Variants in MRTFA observed in about 807,000 individuals in gnomAD.
The protein encoded by MRTFA is myocardin related transcription factor A, also known as myocardin-related transcription factor A.
Under a neutral mutation model 83.5 loss-of-function variants are expected in MRTFA, and 20 were observed. The observed-to-expected ratio is 0.24, with a 90% CI of 0.17 to 0.35. The LOEUF is 0.35. MRTFA is among the 10% of genes least tolerant of loss of function. The probability of loss-of-function intolerance (pLI) is 1.00; values close to 1 mark genes in which losing one functional copy is unlikely to be tolerated. For missense variants in MRTFA, 1,200 were observed against 1,224.7 expected, an observed-to-expected ratio of 0.98 and a Z score of 0.30; for synonymous variants, 659 against 541.2, an observed-to-expected ratio of 1.22 and a Z score of -3.02.
chr22:40,499,939 T>TTTTTTTA (rs2054428701), intron 3 of MRTFA, among the ~76,000 whole-genome samples: 2 of 141,328 alleles, frequency 1.4e-5, no homozygotes, highest in African/African-American at 5.2e-5. Context: ...TTTTTTTTTT[T>TTTTTTTA]GAGACCGAGT....
chr22:40,512,966 A>T (rs1398487956), intron 3 of MRTFA, among the ~76,000 whole-genome samples: 1 of 152,216 alleles, frequency 6.6e-6, no homozygotes, highest in East Asian at 1.9e-4. Flanking sequence ...TTATGTAACT[A>T]TTTTGCTATG....
At chr22:40,497,554 A>C (rs1161294149) in intron 3 of MRTFA, among the ~76,000 whole-genome samples, 1 of 151,984 alleles carries the variant, frequency 6.6e-6, no homozygotes, top group African/African-American at 2.4e-5. Context: ...GGAGTTCGAG[A>C]CCAGCCTGAC....
In MRTFA at chr22:40,631,510, C is replaced by A. The variant is rs548475054; in HGVS notation, c.-84+4968G>T. 4.6e-5 allele frequency among the ~76,000 whole-genome samples: 7 copies of A among 152,154 alleles called. No individual in the cohort carries two copies. The East Asian group carries it at 9.7e-4, about 21-fold the overall frequency. On this transcript the variant is annotated intron_variant, in intron 1 of 14. Coordinates refer to ENST00000355630, the MANE Select transcript of MRTFA (RefSeq NM_020831.6). ...CACAGTCCAAGTTCATACACACGGC[C>A]GGCAAGTAGAGCCAGGATTCCGATC...
intron 2 of MRTFA, chr22:40,587,457 C>T (rs1414611872): frequency 5.9e-6 from 2 of 337,062 alleles, no homozygotes; most frequent in Non-Finnish European, 1.2e-5. Flanking sequence ...TGCTGAGAGG[C>T]ATAGCCCTTT....
At chr22:40,482,380 C>T (rs767259778) in intron 3 of MRTFA, among the ~76,000 whole-genome samples, 2 of 152,250 alleles carry the variant, frequency 1.3e-5, no homozygotes, top group Non-Finnish European at 2.9e-5. Flanking sequence ...TTTTGGGTAG[C>T]TGCTCATCTC....
chr22:40,571,921 CAAAAAAAAA>C (rs557782525), intron 2 of MRTFA, among the ~76,000 whole-genome samples: 18 of 18,734 alleles, frequency 9.6e-4, no homozygotes, highest in African/African-American at 2.1e-3. Context: ...AAGACTCTGT[CAAAAAAAAA>C]AAAAAAAAAA....
At chr22:40,493,553 T>G (rs141096574) in intron 3 of MRTFA, among the ~76,000 whole-genome samples, 3 of 152,102 alleles carry the variant, frequency 2.0e-5, no homozygotes, top group Admixed American at 6.6e-5. Context: ...AAAAGGAAAA[T>G]GAAAGAGGAA....
At chr22:40,495,050 A>G (rs1415280680) in intron 3 of MRTFA, among the ~76,000 whole-genome samples, 1 of 151,910 alleles carries the variant, frequency 6.6e-6, no homozygotes, top group African/African-American at 2.4e-5. Context: ...TTTTTAAAAA[A>G]GCAGATTACA....
At chr22:40,553,953 T>A (rs2055482201) in intron 2 of MRTFA, among the ~76,000 whole-genome samples, 1 of 152,210 alleles carries the variant, frequency 6.6e-6, no homozygotes, top group Non-Finnish European at 1.5e-5. Context: ...ATGACCTGGA[T>A]GTGAGACATG....
intron 5 of MRTFA, among the ~76,000 whole-genome samples, chr22:40,432,202 C>T (rs1045476637): frequency 5.3e-5 from 8 of 152,030 alleles, no homozygotes; most frequent in East Asian, 1.9e-4. Flanking sequence ...GCCAAGACTG[C>T]GCCACTGCAC....
At chr22:40,582,015 T>A (rs577488020) in intron 2 of MRTFA, among the ~76,000 whole-genome samples, 2 of 152,356 alleles carry the variant, frequency 1.3e-5, no homozygotes, top group Admixed American at 1.3e-4. Context: ...TACTACTAGC[T>A]AATACATCTT....
chr22:40,633,003 C>A (rs1207048901), intron 1 of MRTFA, among the ~76,000 whole-genome samples: 2 of 152,138 alleles, frequency 1.3e-5, no homozygotes, highest in African/African-American at 2.4e-5. Context: ...GTCAGTGGGT[C>A]ATTCTCTTTG....
chr22:40,567,933 A>G (rs1291913493), intron 2 of MRTFA, among the ~76,000 whole-genome samples: 2 of 152,254 alleles, frequency 1.3e-5, no homozygotes, highest in African/African-American at 4.8e-5. Context: ...TATAAAATGA[A>G]CCATGAATAT....
chr22:40,426,608 C>G (rs1460784810), intron 7 of MRTFA, among the ~76,000 whole-genome samples: 4 of 152,200 alleles, frequency 2.6e-5, no homozygotes, highest in Non-Finnish European at 5.9e-5. Flanking sequence ...AAGCCACTGC[C>G]CATGCTGTTC....
chr22:40,466,989 A>C (rs1201865228), intron 3 of MRTFA, among the ~76,000 whole-genome samples: 2 of 148,468 alleles, frequency 1.3e-5, no homozygotes, highest in African/African-American at 2.5e-5. Flanking sequence ...ATATATATTT[A>C]TACACACACA....
At chr22:40,460,850 G>C (rs143093105) in intron 4 of MRTFA, among the ~76,000 whole-genome samples, 3 of 152,146 alleles carry the variant, frequency 2.0e-5, no homozygotes, top group African/African-American at 7.2e-5. Context: ...GTGAACTGCA[G>C]TAAACAAAAA....
chr22:40,541,870 G>A (rs963731898), intron 3 of MRTFA, among the ~76,000 whole-genome samples: 1 of 152,148 alleles, frequency 6.6e-6, no homozygotes, highest in Non-Finnish European at 1.5e-5. Context: ...GTTTCACCAT[G>A]TTGGCCAGGA....
intron 2 of MRTFA, among the ~76,000 whole-genome samples, chr22:40,576,723 C>T (rs1209573722): frequency 1.3e-5 from 2 of 152,112 alleles, no homozygotes; most frequent in African/African-American, 4.8e-5. Context: ...AAATACAAAA[C>T]AGCTAGTAGG....
rs1033191576 is a variant in MRTFA, at chr22:40,496,079, T to A, written c.242-32793A>T. ...AGACTCAGTCTCAGAAAAAAAAAAATAAATTAATAATAATAATAATAATAA... is the reference window on the plus strand; with the variant it reads ...AGACTCAGTCTCAGAAAAAAAAAAAAAAATTAATAATAATAATAATAATAA... On this transcript the variant is annotated intron_variant, in intron 3 of 14. Transcript: ENST00000355630. Among the ~76,000 whole-genome samples, 13 of 150,224 alleles carry A rather than the reference T, an allele frequency of 8.7e-5. 2 individuals carry two copies. Among genetic ancestry groups the A allele is most frequent in the Admixed American group, 6.0e-4 (9 of 15,034 alleles).
Sources: allele counts gnomAD v4.1 joint callset (sites outside exome capture counted in the v4.1 genomes callset), GRCh38; gene constraint gnomAD v4.1.1; transcripts MANE v1.5; gene names NCBI Gene and HGNC (gene_info 2026-07-23, HGNC 2026-07-21).